Variants in ATL3 observed in about 807,000 individuals in gnomAD.
ATL3 encodes atlastin GTPase 3, also known as atlastin-3.
Under a neutral mutation model 69.5 loss-of-function variants are expected in ATL3, and 49 were observed. That is an observed-to-expected ratio of 0.71 (90% CI 0.56 to 0.89). The LOEUF (loss-of-function observed/expected upper bound fraction) is 0.89, where lower values mean the gene tolerates loss of function less well. Ranked by LOEUF, ATL3 falls within the 40% of genes least tolerant of loss-of-function variation. ATL3 has a pLI of 0.00. For synonymous variants in ATL3, 214 were observed against 224.1 expected (o/e 0.95, Z 0.40); for missense variants, 606 against 645.7 (o/e 0.94, Z 0.67).
At chr11:63,653,583 A>G (rs1940148444) in intron 3 of ATL3, among the ~76,000 whole-genome samples, 1 of 152,264 alleles carries the variant, frequency 6.6e-6, no homozygotes, top group Non-Finnish European at 1.5e-5. Flanking sequence ...AAAATTTGAA[A>G]GCAACCAAGA....
chr11:63,647,788 A>G (rs960377778), intron 5 of ATL3, among the ~76,000 whole-genome samples: 2 of 152,248 alleles, frequency 1.3e-5, no homozygotes, highest in Admixed American at 6.5e-5. Flanking sequence ...AATAAACAGG[A>G]CAAAGCAGCC....
upstream of ATL3, chr11:63,671,662 GT>G: frequency 7.2e-7 from 1 of 1,382,976 alleles, no homozygotes. Context: ...GAGTGCTACC[GT>G]CCTTTGGGAA....
intron 1 of ATL3, among the ~76,000 whole-genome samples, chr11:63,663,864 A>G (rs1233204193): frequency 6.6e-6 from 1 of 152,230 alleles, no homozygotes; most frequent in Non-Finnish European, 1.5e-5. Flanking sequence ...CCAAATTTAT[A>G]GCTAGGATAT....
At chr11:63,659,328 T>A (rs1940355212) in intron 1 of ATL3, 76 bp from the exon 2 acceptor site, 1 of 1,326,780 alleles carries the variant, frequency 7.5e-7, no homozygotes, top group African/African-American at 1.5e-5. Context: ...AACAAAAACT[T>A]CTTAAACAGG....
rs1368867338 is a variant in ATL3, at chr11:63,660,017, CTT to C, written c.47-767_47-766del. 2.7e-5 allele frequency among the ~76,000 whole-genome samples: 4 copies of C among 149,076 alleles called. No homozygotes were observed. In the Admixed American group the frequency reaches 2.7e-4, roughly 10 times the overall value. ...CACATTGTGCACATGTACCCTAAAA[CTT>C]AAAGTATAATAATAATAAAAAATAA... On this transcript the variant is annotated intron_variant, in intron 1 of 12. Coordinates refer to ENST00000398868, the MANE Select transcript of ATL3 (RefSeq NM_015459.5).
chr11:63,666,481 T>C (rs973269874), intron 1 of ATL3, among the ~76,000 whole-genome samples: 11 of 152,140 alleles, frequency 7.2e-5, no homozygotes, highest in Non-Finnish European at 1.5e-4. Context: ...AAAACACAAG[T>C]TCCTGTTCCA....
At chr11:63,631,860 T>C (rs1373570080) in intron 11 of ATL3, among the ~76,000 whole-genome samples, 1 of 152,114 alleles carries the variant, frequency 6.6e-6, no homozygotes, top group Non-Finnish European at 1.5e-5. Flanking sequence ...CAGGCACCTG[T>C]AATCCCAGCT....
chr11:63,651,943 T>A lies in ATL3; in HGVS notation c.554A>T (p.Gln185Leu), dbSNP rs1940091509. 6.3e-7 allele frequency: 1 copy of A among 1,596,254 alleles called. No individual in the cohort carries two copies. Among genetic ancestry groups the A allele is most frequent in the Non-Finnish European group, 8.5e-7 (1 of 1,174,908 alleles). The change falls in exon 5 of 13, where the codon CAG becomes CTG. Residue 185 changes from glutamine to leucine, a missense_variant. Transcript: ENST00000398868. ...SQNIQEDDLQ[Q>L]LQLFTEYGRL... ...GTTATGAGAAATATATACCTGCAGC[T>A]GTTGAAGATCATCTTCTTGAATGTT...
At chr11:63,643,014 A>ATG (rs929673964) in intron 8 of ATL3, among the ~76,000 whole-genome samples, 1 of 152,246 alleles carries the variant, frequency 6.6e-6, no homozygotes, top group Non-Finnish European at 1.5e-5. Context: ...GCCATGCATC[A>ATG]TGCTGCCTTC....
intron 1 of ATL3, among the ~76,000 whole-genome samples, chr11:63,665,956 A>G (rs1940561439): frequency 6.6e-6 from 1 of 152,108 alleles, no homozygotes; most frequent in South Asian, 2.1e-4. Context: ...ACACACCAAT[A>G]ATGCAAGTTA....
At chr11:63,639,720 A>T (rs1249972602) in intron 8 of ATL3, among the ~76,000 whole-genome samples, 1 of 152,170 alleles carries the variant, frequency 6.6e-6, no homozygotes, top group African/African-American at 2.4e-5. Context: ...ACGCCACTGC[A>T]CTCCATCCTG....
At chr11:63,643,548 C>T (rs1939769967) in intron 7 of ATL3, 53 bp from the exon 8 acceptor site, 18 of 1,522,452 alleles carry the variant, frequency 1.2e-5, no homozygotes, top group Middle Eastern at 2.1e-4. Context: ...GTTTTCTTCA[C>T]TAGGGACAAC....
rs1310237609 is a variant in ATL3 at position 63,643,400 on chromosome 11, TC to T, written c.806del (p.Gly269AspfsTer14). 1 of 1,610,316 alleles carries T rather than the reference TC, an allele frequency of 6.2e-7. No homozygotes were observed. The highest frequency in any genetic ancestry group is 8.5e-7 in the Non-Finnish European group (1 of 1,178,236). On this transcript the variant is annotated frameshift_variant, in exon 8 of 13. Coordinates refer to ENST00000398868, the MANE Select transcript of ATL3 (RefSeq NM_015459.5). LOFTEE classifies it high-confidence loss of function. ...AGTCAGGGCTTGTGGCCACCTGGAG[TC>T]CTGGATGTGGTAAGAGAAAGCAGGT... ...DVTCFLLPHP[G>X]LQVATSPDFD...
Position 63,629,421 on chromosome 11 carries a change from T to A in ATL3, c.1540-16A>T, listed in dbSNP as rs748491516. Reference sequence around the variant, plus strand: ...GAGAAGAAGCCTGCAAAAGTCCATTTATTCAACATATAAGTTAATAAAATA... The same window carrying A: ...GAGAAGAAGCCTGCAAAAGTCCATTAATTCAACATATAAGTTAATAAAATA... On this transcript the variant is annotated splice_polypyrimidine_tract_variant and intron_variant, in intron 12 of 12. Transcript: ENST00000398868. 1 of 1,605,716 alleles carries A rather than the reference T, an allele frequency of 6.2e-7. No homozygotes were observed. Among genetic ancestry groups the A allele is most frequent in the Admixed American group, 1.7e-5 (1 of 60,002 alleles).
intron 1 of ATL3, among the ~76,000 whole-genome samples, chr11:63,669,033 A>C (rs76625597): frequency 2.1e-5 from 3 of 142,502 alleles, no homozygotes; most frequent in East Asian, 2.0e-4. Context: ...GCGTCTCACC[A>C]TGTTGGCCAG....
chr11:63,632,990 A>G (rs1321838105), intron 11 of ATL3, 36 bp downstream of exon 11: 1 of 1,588,524 alleles, frequency 6.3e-7, no homozygotes, highest in South Asian at 1.1e-5. Context: ...TGCCCAGATT[A>G]TAGATATTTC....
chr11:63,631,429 C>T lies in ATL3; in HGVS notation c.1150G>A (p.Glu384Lys). 6.2e-7 allele frequency: 1 copy of T among 1,613,442 alleles called. No individual in the cohort carries two copies. Among genetic ancestry groups the T allele is most frequent in the Non-Finnish European group, 8.5e-7 (1 of 1,179,686 alleles). Residue 384 changes from glutamate (E) to lysine (K), a missense_variant, in exon 12 of 13, where the codon GAG becomes AAG. Physicochemically the swap from Glu to Lys is moderately conservative, Grantham distance 56. Transcript: ENST00000398868. ...TGTTTGAATTCACAGTGCTTCTCCT[C>T]TAGAATGTCTGGAGACAAATAAGGT... ...EKPYLSPDIL[E>K]EKHCEFKQLA...
At chr11:63,662,739 A>G (rs1026888547) in intron 1 of ATL3, among the ~76,000 whole-genome samples, 2 of 152,176 alleles carry the variant, frequency 1.3e-5, no homozygotes, top group East Asian at 3.8e-4. Context: ...TCAACCTCCC[A>G]AAGTGTTGGG....
At chr11:63,661,615 C>T (rs1184372137) in intron 1 of ATL3, among the ~76,000 whole-genome samples, 7 of 152,110 alleles carry the variant, frequency 4.6e-5, no homozygotes, top group Admixed American at 1.3e-4. Flanking sequence ...AGGGGCCGGG[C>T]GTGCTGGCTC....
Sources: gnomAD v4.1 joint callset for allele counts (sites outside exome capture counted in the v4.1 genomes callset) on GRCh38, gnomAD v4.1.1 for gene constraint, MANE v1.5 for transcripts, NCBI Gene and HGNC (gene_info 2026-07-23, HGNC 2026-07-21) for gene names.